CRTC1: variants seen among roughly 807,000 people sequenced by gnomAD.
The protein encoded by CRTC1 is CREB-regulated transcription coactivator 1.
A neutral mutation model predicts 66.1 loss-of-function variants in CRTC1; 18 were observed. The ratio of observed to expected loss-of-function variants is 0.27; its 90% CI spans 0.19 to 0.40. The LOEUF (loss-of-function observed/expected upper bound fraction) is 0.40, where lower values mean the gene tolerates loss of function less well. CRTC1 is among the 10% of genes least tolerant of loss of function. CRTC1 has a pLI of 1.00. For missense variants in CRTC1, 669 were observed against 887.9 expected, an observed-to-expected ratio of 0.75 and a Z score of 3.13; for synonymous variants, 416 against 398.8, an observed-to-expected ratio of 1.04 and a Z score of -0.51.
intron 4 of CRTC1, among the ~76,000 whole-genome samples, chr19:18,747,380 T>C (rs1336424902): frequency 6.6e-6 from 1 of 151,914 alleles, no homozygotes; most frequent in African/African-American, 2.4e-5. Context: ...CTCAGGCCTG[T>C]AATCTCAGCA....
intron 1 of CRTC1, among the ~76,000 whole-genome samples, chr19:18,693,084 A>G: frequency 6.6e-6 from 1 of 150,488 alleles, no homozygotes. Context: ...CAAAAAAAAA[A>G]AAAAAAAAAA....
chr19:18,698,916 GCA>G (rs2053065316), intron 1 of CRTC1, among the ~76,000 whole-genome samples: 1 of 151,920 alleles, frequency 6.6e-6, no homozygotes, highest in African/African-American at 2.4e-5. Flanking sequence ...CTCAGCAGGT[GCA>G]CAGTGTGTAT....
intron 12 of CRTC1, 71 bp from the exon 13 acceptor site, chr19:18,775,569 GC>G (rs2054968621): frequency 1.5e-6 from 2 of 1,356,658 alleles, no homozygotes; most frequent in Non-Finnish European, 2.0e-6. Flanking sequence ...AGCCACAGCA[GC>G]CAAGGGCTTG....
chr19:18,762,182 C>T (rs972333367), intron 8 of CRTC1, among the ~76,000 whole-genome samples: 6 of 152,230 alleles, frequency 3.9e-5, no homozygotes, highest in African/African-American at 9.6e-5. Context: ...GCCCCCTTCC[C>T]GCTGGAGGGT....
chr19:18,702,785 CG>C (rs1267204750), intron 1 of CRTC1, among the ~76,000 whole-genome samples: 1 of 151,694 alleles, frequency 6.6e-6, no homozygotes, highest in Non-Finnish European at 1.5e-5. Context: ...CCACCTGCCT[CG>C]GCCCCCCAAA....
chr19:18,764,200 G>A (rs1036111341), intron 8 of CRTC1, among the ~76,000 whole-genome samples: 14 of 152,208 alleles, frequency 9.2e-5, no homozygotes, highest in Non-Finnish European at 1.8e-4. Context: ...CGCACCCGCC[G>A]TCTCATCTGC....
chr19:18,749,973 C>T, intron 5 of CRTC1, 98 bp downstream of exon 5: 3 of 921,602 alleles, frequency 3.3e-6, no homozygotes, highest in Non-Finnish European at 5.3e-6. Flanking sequence ...GCAGATGGCT[C>T]TTCAAAGGAA....
At chr19:18,753,441 C>A in intron 5 of CRTC1, 59 bp from the exon 6 acceptor site, 1 of 1,267,408 alleles carries the variant, frequency 7.9e-7, no homozygotes, top group Non-Finnish European at 1.1e-6. Context: ...CTGGTACCAC[C>A]ATGCGGCTGC....
chr19:18,737,588 C>G (rs929391774), intron 1 of CRTC1, among the ~76,000 whole-genome samples: 1 of 152,100 alleles, frequency 6.6e-6, no homozygotes, highest in Non-Finnish European at 1.5e-5. Context: ...AAGATACGTC[C>G]ACACTCTCAC....
chr19:18,725,864 C>G (rs11668500), intron 1 of CRTC1, among the ~76,000 whole-genome samples: 78,914 of 152,112 alleles, frequency 0.52, 20,800 homozygotes, highest in East Asian at 0.82. Context: ...CCCCGTGTGT[C>G]GCGCTTCCGG....
At chr19:18,710,354 C>T (rs7256552) in intron 1 of CRTC1, among the ~76,000 whole-genome samples, 3,657 of 152,298 alleles carry the variant, frequency 0.024, 148 homozygotes, top group African/African-American at 0.084. Context: ...CCCTGGCCTC[C>T]CGTCCTACTG....
intron 8 of CRTC1, among the ~76,000 whole-genome samples, chr19:18,762,222 A>T (rs72997389): frequency 0.05 from 7,654 of 152,172 alleles, 255 homozygotes; most frequent in South Asian, 0.08. Flanking sequence ...CCCGCCCGGG[A>T]GCTGCGCACC....
At chr19:18,764,598 G>A (rs2054687968) in intron 8 of CRTC1, among the ~76,000 whole-genome samples, 1 of 152,190 alleles carries the variant, frequency 6.6e-6, no homozygotes, top group Non-Finnish European at 1.5e-5. Flanking sequence ...GGGAAGGGGT[G>A]ATGAGGCGGC....
At chr19:18,715,085 A>G (rs1450655513) in intron 1 of CRTC1, among the ~76,000 whole-genome samples, 1 of 152,246 alleles carries the variant, frequency 6.6e-6, no homozygotes, top group Non-Finnish European at 1.5e-5. Flanking sequence ...AGGTGTGGGC[A>G]AGGTTGACTA....
intron 1 of CRTC1, among the ~76,000 whole-genome samples, chr19:18,696,922 G>A (rs1290806486): frequency 6.6e-6 from 1 of 151,736 alleles, no homozygotes; most frequent in East Asian, 1.9e-4. Flanking sequence ...CAGAATCACA[G>A]GGGAGGGGTG....
At chr19:18,696,179 T>G (rs1156712512) in intron 1 of CRTC1, among the ~76,000 whole-genome samples, 2 of 152,126 alleles carry the variant, frequency 1.3e-5, no homozygotes, top group Non-Finnish European at 2.9e-5. Context: ...CTGACCCAGG[T>G]TGGACTAACC....
chr19:18,697,515 G>A (rs1280987893), intron 1 of CRTC1, among the ~76,000 whole-genome samples: 2 of 152,196 alleles, frequency 1.3e-5, no homozygotes, highest in African/African-American at 4.8e-5. Context: ...TCACCATGTT[G>A]GCCAGGCTGG....
intron 1 of CRTC1, among the ~76,000 whole-genome samples, chr19:18,691,353 GA>G (rs1568476649): frequency 1.3e-5 from 2 of 151,200 alleles, no homozygotes; most frequent in Admixed American, 6.6e-5. Flanking sequence ...TCATCTCTAC[GA>G]AAAAAAATTG....
At chr19:18,732,845 C>T (rs893946757) in intron 1 of CRTC1, among the ~76,000 whole-genome samples, 17 of 152,046 alleles carry the variant, frequency 1.1e-4, no homozygotes, top group Non-Finnish European at 2.5e-4. Flanking sequence ...AATTCCAGCA[C>T]TTTGGGAGGC....
Sources: gnomAD v4.1 joint callset for allele counts (sites outside exome capture counted in the v4.1 genomes callset) on GRCh38, gnomAD v4.1.1 for gene constraint, MANE v1.5 for transcripts, NCBI Gene and HGNC (gene_info 2026-07-23, HGNC 2026-07-21) for gene names.